The following PLA2G4C variants were observed in gnomAD, a reference collection of about 807,000 sequenced individuals.
PLA2G4C encodes phospholipase A2 group IVC.
PLA2G4C carries 64 observed loss-of-function variants against 73.8 expected under a neutral mutation model. That is an observed-to-expected ratio of 0.87 (90% confidence interval 0.71 to 1.07). PLA2G4C has a LOEUF of 1.07. PLA2G4C is among the 50% of genes least tolerant of loss of function. The pLI is 0.00. For missense variants in PLA2G4C, 622 were observed against 665.4 expected, an observed-to-expected ratio of 0.93 and a Z score of 0.72; for synonymous variants, 254 against 252.1, an observed-to-expected ratio of 1.01 and a Z score of -0.07.
rs145330388 is a variant in PLA2G4C at position 48,081,897 on chromosome 19, A to T, written c.844+3162T>A. On this transcript the variant is annotated intron_variant, in intron 10 of 16. Transcript: ENST00000599921. ...GAAGTTCGAGACCAGCCTGACCAAC[A>T]TGGCAAAACCTCATCTCTACTAAAA... is the stretch of plus-strand genomic sequence containing the variant. 1.6e-3 allele frequency among the ~76,000 whole-genome samples: 246 copies of T among 152,190 alleles called. 1 individual carries two copies. The highest frequency in any genetic ancestry group is 5.1e-3 in the African/African-American group (212 of 41,494).
rs1044218339 is a variant in PLA2G4C, at chr19:48,072,228, T to G, written c.1006+2539A>C. Reference sequence around the variant, plus strand: ...ACTTTTTAAGGGATGGGGGTCTCACTCTGAGTGCAGTGGTGCATTCATAGC... The same window carrying G: ...ACTTTTTAAGGGATGGGGGTCTCACGCTGAGTGCAGTGGTGCATTCATAGC... On this transcript the variant is annotated intron_variant, in intron 12 of 16. Transcript: ENST00000599921. This position sits in a 1 kb window ranked among gnomAD's most constrained non-coding sequence, Gnocchi z 4.4. 6.6e-6 allele frequency: 1 copy of G among 152,192 alleles called. No homozygotes were observed. Among genetic ancestry groups the G allele is most frequent in the Admixed American group, 6.5e-5 (1 of 15,278 alleles). 9.4% of individuals were successfully genotyped at this position (152,192 alleles called of 1,614,324 possible).
intron 8 of PLA2G4C, 113 bp from the exon 9 acceptor site, chr19:48,088,825 A>G: frequency 6.1e-6 from 5 of 822,850 alleles, no homozygotes; most frequent in South Asian, 5.9e-5. Context: ...AATGGCAGCC[A>G]TGGGCTCCAA....
chr19:48,086,849 C>G (rs1020932496), intron 9 of PLA2G4C, among the ~76,000 whole-genome samples: 1 of 152,184 alleles, frequency 6.6e-6, no homozygotes, highest in Non-Finnish European at 1.5e-5. Flanking sequence ...ACTACTATAA[C>G]TAGCATTCAA....
At chr19:48,049,620 A>G (rs1315380702) in intron 16 of PLA2G4C, among the ~76,000 whole-genome samples, 2 of 152,198 alleles carry the variant, frequency 1.3e-5, no homozygotes, top group African/African-American at 4.8e-5. Flanking sequence ...TGTGGAATCA[A>G]TGAATGAAAG....
intron 10 of PLA2G4C, 24 bp from the exon 11 acceptor site, chr19:48,077,848 G>T (rs1245177870): frequency 1.3e-6 from 2 of 1,596,048 alleles, no homozygotes; most frequent in Non-Finnish European, 1.7e-6. Flanking sequence ...GAGGCAGGGG[G>T]AATGTTTAAC....
rs530441198 is a variant in PLA2G4C at position 48,077,190 on chromosome 19, T to G, written c.898+581A>C. ...CTGACGACTATGTACATGGATCCTA[T>G]GGTTAGACTCATCCAAAAAGCTCCT... On this transcript the variant is annotated intron_variant, in intron 11 of 16. Transcript: ENST00000599921. 2.6e-5 allele frequency among the ~76,000 whole-genome samples: 4 copies of G among 152,294 alleles called. No individual in the cohort carries two copies. In the East Asian group the frequency reaches 7.7e-4, roughly 29 times the overall value.
chr19:48,049,393 A>G (rs949826463), intron 16 of PLA2G4C, among the ~76,000 whole-genome samples: 3 of 152,044 alleles, frequency 2.0e-5, no homozygotes, highest in Admixed American at 2.0e-4. Flanking sequence ...TTTCCTAAAA[A>G]GCTTTCACTT....
rs756348633 is a variant in PLA2G4C at position 48,095,553 on chromosome 19, G to GC, written c.619dup (p.Ala207GlyfsTer23). On this transcript the variant is annotated frameshift_variant, in exon 7 of 17. Transcript: ENST00000599921. LOFTEE classifies it high-confidence loss of function. Reference sequence around the variant, plus strand: ...TCCGAAGTGGGTTATGGAAACAAAGGCCCCCAGTGCAGAGAAGCCAGCGTG... The same window carrying GC: ...TCCGAAGTGGGTTATGGAAACAAAGGCCCCCCAGTGCAGAGAAGCCAGCGTG... 2 of 1,613,860 alleles carry GC rather than the reference G, an allele frequency of 1.2e-6. No individual in the cohort carries two copies. Among genetic ancestry groups the GC allele is most frequent in the East Asian group, 4.5e-5 (2 of 44,884 alleles).
intron 7 of PLA2G4C, among the ~76,000 whole-genome samples, chr19:48,091,030 C>T (rs12972957): frequency 0.24 from 35,758 of 151,028 alleles, 4,520 homozygotes; most frequent in East Asian, 0.53. Context: ...AAAGTTGCAG[C>T]TTCATTGGAT....
rs11564629 is a variant in PLA2G4C at position 48,065,965 on chromosome 19, T to C, written c.1102+1826A>G. On this transcript the variant is annotated intron_variant, in intron 13 of 16. Transcript: ENST00000599921. ...AAAATTAGCCAGGCGTGGTGGCGCA[T>C]GCCTGTAATCCCAGCTACTCGGGAG... Among the ~76,000 whole-genome samples, 512 of 152,046 alleles carry C rather than the reference T, an allele frequency of 3.4e-3. 3 individuals are homozygous for C. Among genetic ancestry groups the C allele is most frequent in the African/African-American group, 0.012 (492 of 41,472 alleles).
At chr19:48,106,787 T>C (rs1338561351) in intron 1 of PLA2G4C, 2 of 558,766 alleles carry the variant, frequency 3.6e-6, no homozygotes, top group African/African-American at 3.8e-5. Context: ...TCTCTGAAAA[T>C]TTGGAGGCTA....
In PLA2G4C at chr19:48,104,685, G is replaced by A. The variant is rs776350761; in HGVS notation, c.160C>T (p.Arg54Trp). ...ACCCCAAGGCAGGCAATGTGAGCCCGCAGTCCTCCGCCTGAGCCCAGCACA... is the reference window on the plus strand; with the variant it reads ...ACCCCAAGGCAGGCAATGTGAGCCCACAGTCCTCCGCCTGAGCCCAGCACA... ...VAVLGSGGGL[R>W]AHIACLGVLS... is the part of the protein sequence containing the mutation. The change falls in exon 4 of 17, where the codon CGG (arginine) becomes TGG (tryptophan). Residue 54 changes from arginine (R) to tryptophan (W), a missense_variant. Physicochemically the swap from Arg to Trp is moderately radical, Grantham distance 101. Transcript: ENST00000599921. 4.5e-5 allele frequency: 73 copies of A among 1,613,864 alleles called. No homozygotes were observed. Among genetic ancestry groups the A allele is most frequent in the South Asian group, 1.6e-4 (15 of 91,072 alleles).
intron 14 of PLA2G4C, among the ~76,000 whole-genome samples, chr19:48,058,564 T>A (rs2122460483): frequency 6.6e-6 from 1 of 152,230 alleles, no homozygotes; most frequent in Non-Finnish European, 1.5e-5. Flanking sequence ...ATGCCTATAA[T>A]CCCAGCACTT....
chr19:48,105,287 G>T (rs767489507), intron 3 of PLA2G4C, 46 bp downstream of exon 3: 3 of 1,326,882 alleles, frequency 2.3e-6, no homozygotes, highest in Admixed American at 1.8e-5. Flanking sequence ...GGGCACAGAG[G>T]GGGCGATTCT....
chr19:48,062,296 C>T (rs933641165), intron 13 of PLA2G4C, 144 bp from the exon 14 acceptor site: 37 of 630,016 alleles, frequency 5.9e-5, no homozygotes, highest in Non-Finnish European at 8.3e-5. Context: ...GAGCTGACTT[C>T]TCTCTCTTCC....
Position 48,054,996 on chromosome 19 carries a change from T to G in PLA2G4C, c.1311A>C (p.Gln437His). ...ACAAATCCAGCTCAGCCTCTTCTAC[T>G]TGGGGAAAGGGGATCTTGTGGCGGC... Reference protein sequence around the residue: ...YCRRHKIPFPQVEEAELDLWS... With the variant: ...YCRRHKIPFPHVEEAELDLWS... Residue 437 changes from glutamine to histidine, a missense_variant, in exon 15 of 17, where the codon CAA (glutamine) becomes CAC (histidine). By Grantham distance (24) the Gln-to-His change is conservative. Coordinates refer to ENST00000599921, the MANE Select transcript of PLA2G4C (RefSeq NM_003706.3). 6.2e-7 allele frequency: 1 copy of G among 1,613,410 alleles called. No individual in the cohort carries two copies. The highest frequency in any genetic ancestry group is 8.5e-7 in the Non-Finnish European group (1 of 1,179,868).
chr19:48,052,500 G>A (rs964647172), intron 16 of PLA2G4C, among the ~76,000 whole-genome samples: 2 of 152,034 alleles, frequency 1.3e-5, no homozygotes, highest in Non-Finnish European at 2.9e-5. Flanking sequence ...ATGATTGTAA[G>A]TTTCCTGAGG....
At chr19:48,109,595 A>C (rs964403053) in intron 1 of PLA2G4C, among the ~76,000 whole-genome samples, 1 of 152,024 alleles carries the variant, frequency 6.6e-6, no homozygotes, top group Admixed American at 6.6e-5. Flanking sequence ...TAAAGGGGTG[A>C]CTAAGTTAAA....
intron 11 of PLA2G4C, among the ~76,000 whole-genome samples, chr19:48,077,375 T>C (rs961420512): frequency 6.6e-6 from 1 of 151,882 alleles, no homozygotes; most frequent in Non-Finnish European, 1.5e-5. Context: ...TACTCAGGAA[T>C]ATACCTAACC....
Sources: gnomAD v4.1 joint callset for allele counts (sites outside exome capture counted in the v4.1 genomes callset) on GRCh38, gnomAD v4.1.1 for gene constraint, Gnocchi (gnomAD v3.1) non-coding constraint, MANE v1.5 for transcripts, NCBI Gene and HGNC (gene_info 2026-07-23, HGNC 2026-07-21) for gene names.